COX7B2: variants seen among roughly 807,000 people sequenced by gnomAD.
COX7B2 encodes cytochrome c oxidase subunit 7B2, mitochondrial.
For missense variants in COX7B2, 109 were observed against 95.9 expected, an observed-to-expected ratio of 1.14 and a Z score of -0.57; for synonymous variants, 37 against 32.1, an observed-to-expected ratio of 1.15 and a Z score of -0.51.
intron 2 of COX7B2, among the ~76,000 whole-genome samples, chr4:46,778,450 AT>A (rs1717274508): frequency 6.6e-6 from 1 of 152,056 alleles, no homozygotes; most frequent in African/African-American, 2.4e-5. Context: ...TTCTAGGTAA[AT>A]GCATGCAGGG....
intron 2 of COX7B2, among the ~76,000 whole-genome samples, chr4:46,833,232 AATTACCCAACCTCAG>A (rs1715282170): frequency 6.6e-6 from 1 of 152,114 alleles, no homozygotes; most frequent in South Asian, 2.1e-4. Context: ...TTTCATTATA[AATTACCCAACCTCAG>A]ATATTTATTT....
intron 2 of COX7B2, among the ~76,000 whole-genome samples, chr4:46,787,420 C>A (rs551758552): frequency 6.6e-6 from 1 of 151,746 alleles, no homozygotes; most frequent in African/African-American, 2.4e-5. Flanking sequence ...GCACTCCAGC[C>A]TGGACAACAA....
In COX7B2 at chr4:46,852,061, G is replaced by A. The variant is rs567369458; in HGVS notation, c.-104-7047C>T. 2.0e-5 allele frequency among the ~76,000 whole-genome samples: 3 copies of A among 152,030 alleles called. No homozygotes were observed. In the South Asian group the frequency reaches 6.2e-4, roughly 32 times the overall value. On this transcript the variant is annotated intron_variant, in intron 1 of 2. Transcript: ENST00000355591. ...AGACTTTATGACATATATTACTATG[G>A]TGTTTGCCTAATGGTGGTTCTCTAT...
intron 2 of COX7B2, among the ~76,000 whole-genome samples, chr4:46,776,673 T>C (rs939263484): frequency 1.2e-4 from 19 of 152,100 alleles, no homozygotes; most frequent in Non-Finnish European, 2.1e-4. Flanking sequence ...CCTCTTGGCT[T>C]TCTGTCTCCT....
chr4:46,895,014 G>C (rs1719662300), intron 1 of COX7B2, among the ~76,000 whole-genome samples: 1 of 151,902 alleles, frequency 6.6e-6, no homozygotes, highest in South Asian at 2.1e-4. Context: ...GCAATTGTTG[G>C]AGCTGTGCCA....
intron 1 of COX7B2, among the ~76,000 whole-genome samples, chr4:46,858,275 G>T (rs1049779523): frequency 2.0e-5 from 3 of 151,990 alleles, no homozygotes; most frequent in Non-Finnish European, 2.9e-5. Context: ...TATATTTTTA[G>T]TAGAGATGGG....
chr4:46,859,190 T>C (rs996236657), intron 1 of COX7B2, among the ~76,000 whole-genome samples: 3 of 152,174 alleles, frequency 2.0e-5, no homozygotes, highest in African/African-American at 4.8e-5. Flanking sequence ...CCTCCTCCTA[T>C]TGAAGTCATT....
intron 1 of COX7B2, among the ~76,000 whole-genome samples, chr4:46,858,295 C>T (rs552615830): frequency 6.6e-6 from 1 of 152,090 alleles, no homozygotes; most frequent in Non-Finnish European, 1.5e-5. Flanking sequence ...GGGGGTTCGC[C>T]ATATTGGCCA....
At chr4:46,851,394 T>C (rs1716675185) in intron 1 of COX7B2, among the ~76,000 whole-genome samples, 1 of 152,108 alleles carries the variant, frequency 6.6e-6, no homozygotes, top group African/African-American at 2.4e-5. Context: ...TGAATTTTAA[T>C]AGCATTTTAA....
rs146009299 is a variant in COX7B2 at position 46,742,087 on chromosome 4, C to A, written c.-49-6846G>T. Among the ~76,000 whole-genome samples, 457 of 152,144 alleles carry A rather than the reference C, an allele frequency of 3.0e-3. 6 individuals are homozygous for A. The highest frequency in any genetic ancestry group is 0.011 in the African/African-American group (443 of 41,532). ...TACCATGGTAATTTAGAAAGCAGTA[C>A]CTGAGTGACCTGAAAGAGTTATAGG... is the stretch of plus-strand genomic sequence containing the variant. On this transcript the variant is annotated intron_variant, in intron 2 of 2. Transcript: ENST00000355591.
chr4:46,803,000 G>C (rs1196394382), intron 2 of COX7B2, among the ~76,000 whole-genome samples: 1 of 152,128 alleles, frequency 6.6e-6, no homozygotes, highest in Non-Finnish European at 1.5e-5. Flanking sequence ...ACCATTAGGG[G>C]ATCCTGAATG....
At position 46,782,358 on chromosome 4, in the gene COX7B2, A is replaced by AGGTTTG. The variant is rs551167452; in HGVS notation, c.-49-47118_-49-47117insCAAACC. On this transcript the variant is annotated intron_variant, in intron 2 of 2. Transcript: ENST00000355591. ...TAGCTCAAGGTTTGTAAATGCACCA[A>AGGTTTG]TCAGTGCTTGTGTCTAGCTAATCTA... Among the ~76,000 whole-genome samples, 182 of 151,946 alleles carry AGGTTTG rather than the reference A, an allele frequency of 1.2e-3. 1 individual carries two copies. Among genetic ancestry groups the AGGTTTG allele is most frequent in the African/African-American group, 4.2e-3 (172 of 41,402 alleles).
At chr4:46,853,182 G>A (rs1716800248) in intron 1 of COX7B2, among the ~76,000 whole-genome samples, 1 of 152,106 alleles carries the variant, frequency 6.6e-6, no homozygotes, top group Non-Finnish European at 1.5e-5. Flanking sequence ...TGCTGTATTT[G>A]CTAGCTCAGT....
chr4:46,779,382 T>C (rs768494053), intron 2 of COX7B2, among the ~76,000 whole-genome samples: 2 of 152,160 alleles, frequency 1.3e-5, no homozygotes, highest in African/African-American at 2.4e-5. Context: ...TAATATTCCG[T>C]TGTGTATATA....
intron 2 of COX7B2, among the ~76,000 whole-genome samples, chr4:46,764,847 A>G (rs1239410802): frequency 6.6e-6 from 1 of 152,010 alleles, no homozygotes; most frequent in African/African-American, 2.4e-5. Flanking sequence ...ATCAAAGCAC[A>G]CTACCACAAA....
chr4:46,885,446 T>C (rs1719027925), intron 1 of COX7B2, among the ~76,000 whole-genome samples: 1 of 152,146 alleles, frequency 6.6e-6, no homozygotes, highest in Non-Finnish European at 1.5e-5. Flanking sequence ...AGTAAACATA[T>C]AAACAAGTTC....
intron 2 of COX7B2, among the ~76,000 whole-genome samples, chr4:46,817,660 G>A (rs958985324): frequency 2.0e-5 from 3 of 152,124 alleles, no homozygotes; most frequent in Admixed American, 1.3e-4. Flanking sequence ...CCCTCTTAAG[G>A]AAACATGATA....
At chr4:46,788,276 C>A (rs941769791) in intron 2 of COX7B2, among the ~76,000 whole-genome samples, 4 of 151,910 alleles carry the variant, frequency 2.6e-5, no homozygotes, top group African/African-American at 9.7e-5. Context: ...CTCAATATGG[C>A]AAAACACCTT....
At chr4:46,855,885 T>G (rs1344319315) in intron 1 of COX7B2, among the ~76,000 whole-genome samples, 1 of 152,114 alleles carries the variant, frequency 6.6e-6, no homozygotes, top group Non-Finnish European at 1.5e-5. Flanking sequence ...TAAAACACTT[T>G]CATAGTTTTA....
Sources: allele counts gnomAD v4.1 joint callset (sites outside exome capture counted in the v4.1 genomes callset), GRCh38; gene constraint gnomAD v4.1.1; transcripts MANE v1.5; gene names NCBI Gene and HGNC (gene_info 2026-07-23, HGNC 2026-07-21).